The following MED13L variants were observed in gnomAD, a reference collection of about 807,000 sequenced individuals.
MED13L encodes mediator complex subunit 13L, also known as mediator of RNA polymerase II transcription subunit 13-like.
In MED13L, 7 loss-of-function variants were observed where a neutral mutation model predicts 220.9. The observed-to-expected ratio is 0.03, with a 90% CI of 0.02 to 0.06. MED13L has a LOEUF of 0.06. Among genes scored for constraint, MED13L ranks in the 10% least tolerant of loss-of-function variants. The pLI is 1.00. For missense variants in MED13L, 1,965 were observed against 2,760.5 expected (o/e 0.71, Z 6.46); for synonymous variants, 1,011 against 1,015.2 (o/e 1.00, Z 0.08).
At chr12:116,101,275 CG>C (rs1873044377) in intron 3 of MED13L, among the ~76,000 whole-genome samples, 1 of 152,180 alleles carries the variant, frequency 6.6e-6, no homozygotes, top group South Asian at 2.1e-4. Context: ...GGAGTACAGA[CG>C]GTGTGTGTCT....
At chr12:116,229,579 G>A (rs144850892) in intron 2 of MED13L, among the ~76,000 whole-genome samples, 27 of 152,050 alleles carry the variant, frequency 1.8e-4, no homozygotes, top group Admixed American at 3.3e-4. Flanking sequence ...GTAACACATC[G>A]ATTTTACTTA....
intron 2 of MED13L, among the ~76,000 whole-genome samples, chr12:116,214,176 A>C (rs1882870731): frequency 6.6e-6 from 1 of 152,232 alleles, no homozygotes; most frequent in Non-Finnish European, 1.5e-5. Flanking sequence ...ATTCCTTAGT[A>C]ATATAAATAA....
At position 116,130,849 on chromosome 12, in the gene MED13L, AT is replaced by A. The variant is rs1046410393; in HGVS notation, c.311-19338del. On this transcript the variant is annotated intron_variant, in intron 2 of 30. Transcript: ENST00000281928. ...TAAGCTCTGAACAAGTATCTAAGCC[AT>A]TTAAAAAAAAAAAACCTTAAAACTG... Among the ~76,000 whole-genome samples, 135 of 76,382 alleles carry A rather than the reference AT, an allele frequency of 1.8e-3. 2 individuals carry two copies. The highest frequency in any genetic ancestry group is 0.012 in the African/African-American group (128 of 10,548). The allele number at this position is 76,382 out of a possible 152,430, so 50.1% of individuals were successfully genotyped here. A position where few individuals can be genotyped will look rare whatever the true frequency, so the allele number is the denominator to read the frequency against.
intron 2 of MED13L, among the ~76,000 whole-genome samples, chr12:116,163,594 A>G (rs1465677239): frequency 6.6e-6 from 1 of 151,974 alleles, no homozygotes; most frequent in Non-Finnish European, 1.5e-5. Context: ...CGAATTCCTG[A>G]CCTCATGATC....
At chr12:116,111,262 A>G (rs1212691230) in intron 3 of MED13L, among the ~76,000 whole-genome samples, 166 bp downstream of exon 3, 1 of 152,224 alleles carries the variant, frequency 6.6e-6, no homozygotes, top group African/African-American at 2.4e-5. Flanking sequence ...AAACTTCCCT[A>G]AATTTCAAAT....
chr12:116,093,344 T>G (rs1166311005), intron 4 of MED13L, among the ~76,000 whole-genome samples: 1 of 152,188 alleles, frequency 6.6e-6, no homozygotes, highest in Non-Finnish European at 1.5e-5. Context: ...GAAAAAATTA[T>G]ATTGAATGAA....
intron 27 of MED13L, among the ~76,000 whole-genome samples, chr12:115,969,432 A>C (rs1485312862): frequency 6.6e-6 from 1 of 152,230 alleles, no homozygotes; most frequent in Non-Finnish European, 1.5e-5. Flanking sequence ...TAAAATTGAC[A>C]CCATTCAAAA....
chr12:116,007,208 C>A (rs1011828579), intron 11 of MED13L: 4 of 618,222 alleles, frequency 6.5e-6, no homozygotes, highest in Non-Finnish European at 1.2e-5. Flanking sequence ...TTATGTTCGG[C>A]TGACTTTTAA....
Position 116,219,275 on chromosome 12 carries a change from A to C in MED13L, c.310+18193T>G, listed in dbSNP as rs149249039. On this transcript the variant is annotated intron_variant, in intron 2 of 30. Transcript: ENST00000281928. ...AAGAGGAATACTCGTAAACATAAAG[A>C]ATTTAAATTATATTCATGTTATTAG... Among the ~76,000 whole-genome samples, 6 of 152,314 alleles carry C rather than the reference A, an allele frequency of 3.9e-5. No individual in the cohort carries two copies. The East Asian group carries it at 1.2e-3, about 29-fold the overall frequency.
chr12:116,268,662 G>C (rs949602285), intron 1 of MED13L, among the ~76,000 whole-genome samples: 1 of 149,910 alleles, frequency 6.7e-6, no homozygotes, highest in African/African-American at 2.4e-5. Context: ...TCATAAATTT[G>C]TCAAATGTTT....
intron 4 of MED13L, among the ~76,000 whole-genome samples, chr12:116,065,366 T>C (rs773037911): frequency 1.3e-5 from 2 of 152,274 alleles, no homozygotes; most frequent in Admixed American, 6.5e-5. Context: ...TGCATATATA[T>C]GCTGAGTATA....
intron 2 of MED13L, among the ~76,000 whole-genome samples, chr12:116,177,195 G>A (rs1055140507): frequency 3.3e-5 from 5 of 151,814 alleles, no homozygotes; most frequent in East Asian, 1.9e-4. Context: ...TTCCTAGAAC[G>A]CTAAGTCACC....
intron 2 of MED13L, among the ~76,000 whole-genome samples, chr12:116,223,561 G>A (rs149492354): frequency 1.5e-4 from 23 of 152,062 alleles, no homozygotes; most frequent in Admixed American, 7.9e-4. Flanking sequence ...AAAATTAGCC[G>A]AGCATGGTGG....
intron 4 of MED13L, among the ~76,000 whole-genome samples, chr12:116,080,283 C>T (rs1384572574): frequency 1.3e-5 from 2 of 152,156 alleles, no homozygotes; most frequent in Admixed American, 1.3e-4. Flanking sequence ...ATCAGTGAGA[C>T]TAACACCATC....
intron 25 of MED13L, among the ~76,000 whole-genome samples, chr12:115,974,587 A>G (rs1876807948): frequency 6.6e-6 from 1 of 152,232 alleles, no homozygotes; most frequent in African/African-American, 2.4e-5. Context: ...TTTATGACAA[A>G]GAATATAAGC....
At position 116,007,645 on chromosome 12, in the gene MED13L, C is replaced by CCAAAAAAAA. The variant is rs1555247737; in HGVS notation, c.2013-10_2013-9insTTTTTTTTG. The CCAAAAAAAA allele has an allele frequency of 3.1e-6, 2 of 653,666 alleles. No individual in the cohort carries two copies. The allele number at this position is 653,666 out of a possible 1,614,324, so 40.5% of individuals were successfully genotyped here. On this transcript the variant is annotated splice_polypyrimidine_tract_variant and intron_variant, in intron 10 of 30. Transcript: ENST00000281928. ...TAGGTTGTGCTAAGAGTCTAAAAGA[C>CCAAAAAAAA]AAAAAAAAAAAAAAAAAAAAGAGCA... is the stretch of plus-strand genomic sequence containing the variant.
intron 2 of MED13L, among the ~76,000 whole-genome samples, chr12:116,119,574 G>GCCTTT (rs1029511965): frequency 1.3e-5 from 2 of 151,792 alleles, no homozygotes; most frequent in African/African-American, 4.8e-5. Context: ...AAGGCACAGT[G>GCCTTT]CCTTACACCT....
At chr12:116,276,312 G>GTGTGTA (rs1873818251) in intron 1 of MED13L, 1 of 211,568 alleles carries the variant, frequency 4.7e-6, no homozygotes, top group Non-Finnish European at 8.5e-6. Context: ...TTGCTTTTGT[G>GTGTGTA]TGTGTGTGTG....
chr12:116,261,735 GC>G (rs1306195792), intron 1 of MED13L, among the ~76,000 whole-genome samples: 1 of 152,092 alleles, frequency 6.6e-6, no homozygotes, highest in Non-Finnish European at 1.5e-5. Flanking sequence ...ACACAAGAAT[GC>G]AAATGCCATA....
Sources: gnomAD v4.1 joint callset for allele counts (sites outside exome capture counted in the v4.1 genomes callset) on GRCh38, gnomAD v4.1.1 for gene constraint, MANE v1.5 for transcripts, NCBI Gene and HGNC (gene_info 2026-07-23, HGNC 2026-07-21) for gene names.